LIFR: variants seen among roughly 807,000 people sequenced by gnomAD.
LIFR encodes leukemia inhibitory factor receptor.
Under a neutral mutation model 122.2 loss-of-function variants are expected in LIFR, and 84 were observed. That is an observed-to-expected ratio of 0.69 (90% confidence interval 0.58 to 0.82). LIFR has a LOEUF of 0.82. Ranked by LOEUF, LIFR falls within the 40% of genes least tolerant of loss-of-function variation. LIFR has a pLI of 0.00. For missense variants in LIFR, 1,294 were observed against 1,311.6 expected (o/e 0.99, Z 0.21); for synonymous variants, 422 against 434.7 (o/e 0.97, Z 0.36).
intron 6 of LIFR, 144 bp from the exon 7 acceptor site, chr5:38,510,862 A>C (rs1350224474): frequency 1.5e-6 from 1 of 672,146 alleles, no homozygotes. Flanking sequence ...CTTTGTAATG[A>C]TAATGGTCCA....
chr5:38,590,213 T>A (rs1442221946), intron 1 of LIFR, among the ~76,000 whole-genome samples: 2 of 152,122 alleles, frequency 1.3e-5, no homozygotes, highest in African/African-American at 4.8e-5. Context: ...TTGACTATGA[T>A]GAGTAGAGAC....
intron 13 of LIFR, 62 bp from the exon 14 acceptor site, chr5:38,493,847 T>TA: frequency 1.5e-6 from 2 of 1,365,762 alleles, no homozygotes; most frequent in South Asian, 2.3e-5. Flanking sequence ...GCAAATCTCA[T>TA]AAAAATGGAC....
chr5:38,479,110 C>T lies in LIFR; in HGVS notation c.*2485G>A, dbSNP rs1182253045. On this transcript the variant is annotated 3_prime_UTR_variant, in exon 20 of 20. Transcript: ENST00000453190. ...CCTCCCCTCTTCCCGTGTTGTTACT[C>T]TCCCTACACACACAGGTTGGGGGGA... 4.3e-6 allele frequency: 1 copy of T among 232,178 alleles called. No individual in the cohort carries two copies. The highest frequency in any genetic ancestry group is 8.5e-6 in the Non-Finnish European group (1 of 117,482). The allele number at this position is 232,178 out of a possible 1,614,324, so 14.4% of individuals were successfully genotyped here.
intron 5 of LIFR, among the ~76,000 whole-genome samples, chr5:38,520,979 T>C (rs1469683094): frequency 1.3e-5 from 2 of 152,222 alleles, no homozygotes; most frequent in South Asian, 2.1e-4. Context: ...GAAAATGACA[T>C]TGGCATTTTT....
chr5:38,532,724 A>G (rs1354994516), intron 1 of LIFR, among the ~76,000 whole-genome samples: 2 of 152,232 alleles, frequency 1.3e-5, no homozygotes, highest in Non-Finnish European at 2.9e-5. Context: ...AGACTTCCCC[A>G]CCAAGCAAAA....
chr5:38,496,176 T>C (rs189670623), intron 13 of LIFR, among the ~76,000 whole-genome samples: 239 of 152,326 alleles, frequency 1.6e-3, no homozygotes, highest in African/African-American at 5.4e-3. Flanking sequence ...CAGTAATGAT[T>C]GTATCCATCA....
intron 3 of LIFR, among the ~76,000 whole-genome samples, chr5:38,528,149 G>A (rs573115759): frequency 6.6e-6 from 1 of 152,182 alleles, no homozygotes; most frequent in Non-Finnish European, 1.5e-5. Flanking sequence ...AGGGTAGAAT[G>A]TCCTCCTATT....
At chr5:38,578,870 T>C (rs1162862457) in intron 1 of LIFR, among the ~76,000 whole-genome samples, 1 of 152,202 alleles carries the variant, frequency 6.6e-6, no homozygotes, top group African/African-American at 2.4e-5. Context: ...ACACCATTTC[T>C]TTAAGACACG....
intron 7 of LIFR, among the ~76,000 whole-genome samples, chr5:38,509,347 C>G (rs945232644): frequency 5.9e-5 from 9 of 152,080 alleles, no homozygotes; most frequent in Admixed American, 2.6e-4. Context: ...AATATGATTT[C>G]CAGGATTTAA....
intron 1 of LIFR, among the ~76,000 whole-genome samples, chr5:38,563,777 C>T (rs930188784): frequency 3.3e-5 from 5 of 152,146 alleles, no homozygotes; most frequent in Non-Finnish European, 5.9e-5. Flanking sequence ...AAAGGCCACA[C>T]GGTTACTGAC....
At chr5:38,502,355 T>C (rs1000151081) in intron 11 of LIFR, among the ~76,000 whole-genome samples, 40 of 151,954 alleles carry the variant, frequency 2.6e-4, no homozygotes, top group Admixed American at 2.3e-3. Context: ...CCTCCCAGAT[T>C]CAAACGATTC....
rs1403500585 is a variant in LIFR at position 38,505,942 on chromosome 5, T to C, written c.1254A>G (p.Arg418=). The C allele has an allele frequency of 6.2e-7, 1 of 1,610,026 alleles. No individual in the cohort carries two copies. The highest frequency in any genetic ancestry group is 8.5e-7 in the Non-Finnish European group (1 of 1,177,886). ...TATTAACTAAAATTGTTGATTGTGATCGACCCAGCGGATTGTGAGCATTCA... is the reference window on the plus strand; with the variant it reads ...TATTAACTAAAATTGTTGATTGTGACCGACCCAGCGGATTGTGAGCATTCA... ...FTLNAHNPLG[R]SQSTILVNIT... The change falls in exon 9 of 20, where the codon CGA becomes CGG. Residue 418 remains arginine, a synonymous_variant. Transcript: ENST00000453190.
At chr5:38,577,833 A>G (rs1449970764) in intron 1 of LIFR, among the ~76,000 whole-genome samples, 1 of 152,224 alleles carries the variant, frequency 6.6e-6, no homozygotes, top group Non-Finnish European at 1.5e-5. Flanking sequence ...TTTGAACAAC[A>G]TAGGCATTTA....
rs375002438 is a variant in LIFR, at chr5:38,502,748, C to A, written c.1489G>T (p.Asp497Tyr). ...TATAGAGTGTATGGATTTAACTTGTCCAGAGCAACAAGATAACTTGAATTT... is the reference window on the plus strand; with the variant it reads ...TATAGAGTGTATGGATTTAACTTGTACAGAGCAACAAGATAACTTGAATTT... ...VENSSYLVAL[D>Y]KLNPYTLYTF... The change falls in exon 11 of 20, where the codon GAC becomes TAC. Residue 497 changes from aspartate to tyrosine, a missense_variant. By Grantham distance (160) the Asp-to-Tyr change is radical. Transcript: ENST00000453190. 1.9e-6 allele frequency: 3 copies of A among 1,610,632 alleles called. No homozygotes were observed. Among genetic ancestry groups the A allele is most frequent in the Non-Finnish European group, 2.5e-6 (3 of 1,177,130 alleles).
intron 14 of LIFR, 102 bp downstream of exon 14, chr5:38,493,504 C>T: frequency 8.9e-7 from 1 of 1,123,766 alleles, no homozygotes; most frequent in Non-Finnish European, 1.4e-6. Flanking sequence ...CTATTTATAC[C>T]CATCCAGCAG....
chr5:38,484,726 A>C (rs1744189172), intron 18 of LIFR, 49 bp downstream of exon 18: 2 of 1,181,078 alleles, frequency 1.7e-6, no homozygotes, highest in Non-Finnish European at 2.5e-6. Flanking sequence ...CAAATCTTAT[A>C]ATCATGCCTT....
chr5:38,535,683 C>T (rs757283985), intron 1 of LIFR, among the ~76,000 whole-genome samples: 2 of 152,136 alleles, frequency 1.3e-5, no homozygotes, highest in African/African-American at 4.8e-5. Flanking sequence ...CAAACACATC[C>T]GAGTTCACTG....
At chr5:38,510,844 GT>G in intron 6 of LIFR, 126 bp from the exon 7 acceptor site, 1 of 725,980 alleles carries the variant, frequency 1.4e-6, no homozygotes, top group Non-Finnish European at 2.2e-6. Flanking sequence ...ACTACAAACT[GT>G]TAGGTGCTTT....
chr5:38,506,296 C>T (rs886718107), intron 8 of LIFR, among the ~76,000 whole-genome samples: 1 of 152,016 alleles, frequency 6.6e-6, no homozygotes, highest in Non-Finnish European at 1.5e-5. Flanking sequence ...TTCAAGTGTT[C>T]TTCATTCTAA....
Sources: gnomAD v4.1 joint callset for allele counts (sites outside exome capture counted in the v4.1 genomes callset) on GRCh38, gnomAD v4.1.1 for gene constraint, MANE v1.5 for transcripts, NCBI Gene and HGNC (gene_info 2026-07-23, HGNC 2026-07-21) for gene names.